The following TCTN2 variants were observed in gnomAD, a reference collection of about 807,000 sequenced individuals.
TCTN2 encodes tectonic family member 2, also known as tectonic-2.
A neutral mutation model predicts 83.4 loss-of-function variants in TCTN2; 66 were observed. That is an observed-to-expected ratio of 0.79 (90% CI 0.65 to 0.97). The LOEUF (loss-of-function observed/expected upper bound fraction) is 0.97, where lower values mean the gene tolerates loss of function less well. Ranked by LOEUF, TCTN2 falls within the 50% of genes least tolerant of loss-of-function variation. TCTN2 has a pLI of 0.00. For missense variants in TCTN2, 794 were observed against 858.1 expected, an observed-to-expected ratio of 0.93 and a Z score of 0.93; for synonymous variants, 301 against 326.7, an observed-to-expected ratio of 0.92 and a Z score of 0.85.
In TCTN2 at chr12:123,695,267, G is replaced by T; in HGVS notation, c.1282G>T (p.Gly428Cys). Residue 428 changes from glycine to cysteine, a missense_variant, in exon 11 of 18, where the codon GGT becomes TGT. By Grantham distance (159) the Gly-to-Cys change is radical (BLOSUM62 -3). Transcript: ENST00000303372. ...FVVKFLSYNSGNEEELSGNPG... is the reference protein window; with the variant it reads ...FVVKFLSYNSCNEEELSGNPG... Reference sequence around the variant, plus strand: ...AGTAAAATTTTTAAGCTATAATAGTGGTAATGAAGAAGAATTATCTGGAAA... The same window carrying T: ...AGTAAAATTTTTAAGCTATAATAGTTGTAATGAAGAAGAATTATCTGGAAA... The T allele has an allele frequency of 6.3e-7, 1 of 1,581,186 alleles. No homozygotes were observed. The highest frequency in any genetic ancestry group is 1.1e-5 in the South Asian group (1 of 90,370).
At chr12:123,677,101 C>T (rs565835164) in intron 4 of TCTN2, among the ~76,000 whole-genome samples, 1 of 152,156 alleles carries the variant, frequency 6.6e-6, no homozygotes, top group East Asian at 1.9e-4. Flanking sequence ...TCACTTGAGC[C>T]CTGGGAGGTT....
chr12:123,671,333 C>T lies in TCTN2; in HGVS notation c.82+11C>T, dbSNP rs377654309. 36 of 1,613,138 alleles carry T rather than the reference C, an allele frequency of 2.2e-5. No homozygotes were observed. The highest frequency in any genetic ancestry group is 2.9e-5 in the Non-Finnish European group (34 of 1,179,694). ...TGTGGGGGGACCTGGGTGTGTACGG[C>T]GCGGCAGTGACCTCGGTGGGCCGGG... is the stretch of plus-strand genomic sequence containing the variant. On this transcript the variant is annotated intron_variant, in intron 1 of 17. Transcript: ENST00000303372.
chr12:123,695,282 T>C lies in TCTN2; in HGVS notation c.1297T>C (p.Leu433=). ...LSYNSGNEEE[L]SGNPGYQLGK... ...CTATAATAGTGGTAATGAAGAAGAA[T>C]TATCTGGAAATCCAGGTAAGATGAG... is the stretch of plus-strand genomic sequence containing the variant. Residue 433 remains leucine (L), a synonymous_variant, in exon 11 of 18, where the codon TTA becomes CTA. Coordinates refer to ENST00000303372, the MANE Select transcript of TCTN2 (RefSeq NM_024809.5). The C allele has an allele frequency of 1.3e-6, 2 of 1,579,716 alleles. No homozygotes were observed. The highest frequency in any genetic ancestry group is 1.7e-6 in the Non-Finnish European group (2 of 1,148,902).
chr12:123,704,473 A>G (rs1315550282), intron 14 of TCTN2, 59 bp from the exon 15 acceptor site: 3 of 1,542,520 alleles, frequency 1.9e-6, no homozygotes, highest in African/African-American at 1.4e-5. Context: ...TTATTACGAC[A>G]TTGTAGGAAA....
chr12:123,684,192 C>T (rs1955934929), intron 5 of TCTN2, among the ~76,000 whole-genome samples: 1 of 152,086 alleles, frequency 6.6e-6, no homozygotes, highest in South Asian at 2.1e-4. Context: ...CACCCATGAG[C>T]TCATCCACGC....
chr12:123,676,072 A>T (rs962521400), intron 4 of TCTN2, among the ~76,000 whole-genome samples: 1 of 152,058 alleles, frequency 6.6e-6, no homozygotes, highest in African/African-American at 2.4e-5. Context: ...TGAGCCTAGG[A>T]GTTCAAGACC....
Position 123,707,584 on chromosome 12 carries a change from T to A in TCTN2, c.1985-20T>A. The A allele has an allele frequency of 6.2e-7, 1 of 1,607,584 alleles. No homozygotes were observed. The highest frequency in any genetic ancestry group is 1.3e-5 in the African/African-American group (1 of 74,898). On this transcript the variant is annotated intron_variant, in intron 17 of 17. Transcript: ENST00000303372. ...AGAGTTAAGAAATACTGCTGTTGAA[T>A]TTTGTCCATTGTTTTTCAGGGGAGC...
intron 5 of TCTN2, among the ~76,000 whole-genome samples, chr12:123,683,197 T>C (rs927330379): frequency 6.6e-6 from 1 of 151,366 alleles, no homozygotes; most frequent in Non-Finnish European, 1.5e-5. Flanking sequence ...CACTCCAGCC[T>C]GGGCGACAGA....
chr12:123,699,825 G>A lies in TCTN2; in HGVS notation c.1612+15G>A. The A allele has an allele frequency of 6.2e-7, 1 of 1,606,850 alleles. No homozygotes were observed. On this transcript the variant is annotated intron_variant, in intron 14 of 17. Coordinates refer to ENST00000303372, the MANE Select transcript of TCTN2 (RefSeq NM_024809.5). Reference sequence around the variant, plus strand: ...CGAAATAATACGTAAGTCAAACCCGGGTACAATAAAGCCTGTAACTTGGTT... The same window carrying A: ...CGAAATAATACGTAAGTCAAACCCGAGTACAATAAAGCCTGTAACTTGGTT...
intron 4 of TCTN2, among the ~76,000 whole-genome samples, chr12:123,677,758 A>G (rs1046007659): frequency 3.3e-5 from 5 of 150,878 alleles, no homozygotes; most frequent in Non-Finnish European, 5.9e-5. Context: ...TCTTCCACCT[A>G]CAGCTCTCCA....
intron 14 of TCTN2, among the ~76,000 whole-genome samples, chr12:123,700,629 C>A (rs1956161887): frequency 6.6e-6 from 1 of 152,192 alleles, no homozygotes; most frequent in Admixed American, 6.5e-5. Context: ...GACGGGGTTT[C>A]ACCATGTTGG....
intron 8 of TCTN2, among the ~76,000 whole-genome samples, chr12:123,692,319 A>G (rs1432622473): frequency 6.6e-6 from 1 of 152,228 alleles, no homozygotes; most frequent in Admixed American, 6.5e-5. Context: ...TGCTGGGATT[A>G]TAGGCGTGAG....
chr12:123,686,489 A>T (rs894406657), intron 5 of TCTN2, among the ~76,000 whole-genome samples: 1 of 152,168 alleles, frequency 6.6e-6, no homozygotes, highest in Non-Finnish European at 1.5e-5. Context: ...GGTAATGACA[A>T]TTAAGAAAGG....
At position 123,671,128 on chromosome 12, in the gene TCTN2, C is replaced by A. The variant is rs1038216304; in HGVS notation, c.-113C>A. 3.7e-6 allele frequency: 4 copies of A among 1,072,190 alleles called. No individual in the cohort carries two copies. The highest frequency in any genetic ancestry group is 1.6e-5 in the African/African-American group (1 of 63,912). The allele number at this position is 1,072,190 out of a possible 1,614,324, so 66.4% of individuals were successfully genotyped here. A position where few individuals can be genotyped will look rare whatever the true frequency, so the allele number is the denominator to read the frequency against. On this transcript the variant is annotated 5_prime_UTR_variant, in exon 1 of 18. Transcript: ENST00000303372. ...GGTGGTTGCCATAGCTCCGGGCGTT[C>A]GCTTGCAAGATGGCGGCGGCGGGGC...
chr12:123,682,421 T>A (rs1955909738), intron 5 of TCTN2, among the ~76,000 whole-genome samples: 1 of 152,190 alleles, frequency 6.6e-6, no homozygotes, highest in Admixed American at 6.6e-5. Flanking sequence ...TTTTGCTGAA[T>A]TGTAAGAGGG....
chr12:123,704,712 G>C, intron 15 of TCTN2, 24 bp downstream of exon 15: 1 of 1,613,114 alleles, frequency 6.2e-7, no homozygotes, highest in Non-Finnish European at 8.5e-7. Context: ...TTGGATCACC[G>C]TAGTTTAGAG....
chr12:123,695,389 AT>A, intron 11 of TCTN2, 92 bp downstream of exon 11: 3 of 878,314 alleles, frequency 3.4e-6, no homozygotes, highest in Non-Finnish European at 1.9e-6. Flanking sequence ...ACTCTCTCCA[AT>A]TTAGTTTCTG....
At chr12:123,693,185 C>G (rs1956065967) in intron 9 of TCTN2, among the ~76,000 whole-genome samples, 1 of 151,222 alleles carries the variant, frequency 6.6e-6, no homozygotes, top group South Asian at 2.1e-4. Flanking sequence ...CGCCACCACA[C>G]CCAGCTAATT....
chr12:123,708,303 C>T lies in TCTN2; in HGVS notation c.*590C>T, dbSNP rs1005079724. On this transcript the variant is annotated 3_prime_UTR_variant, in exon 18 of 18. Coordinates refer to ENST00000303372, the MANE Select transcript of TCTN2 (RefSeq NM_024809.5). The stretch of plus-strand genomic sequence containing the variant: ...CCACTGCGTCCGGTCCATCTGACTT[C>T]TCAAAGACTTTAGACCTTGACTTCA... 2 of 156,902 alleles carry T rather than the reference C, an allele frequency of 1.3e-5. No homozygotes were observed. The highest frequency in any genetic ancestry group is 4.8e-5 in the African/African-American group (2 of 41,444). 9.7% of individuals were successfully genotyped at this position (156,902 alleles called of 1,614,324 possible).
Sources: gnomAD v4.1 joint callset for allele counts (sites outside exome capture counted in the v4.1 genomes callset) on GRCh38, gnomAD v4.1.1 for gene constraint, MANE v1.5 for transcripts, NCBI Gene and HGNC (gene_info 2026-07-23, HGNC 2026-07-21) for gene names.